The following NKAIN3 variants were observed in gnomAD, a reference collection of about 807,000 sequenced individuals.
The protein encoded by NKAIN3 is sodium/potassium-transporting ATPase subunit beta-1-interacting protein 3.
Under a neutral mutation model 30.2 loss-of-function variants are expected in NKAIN3, and 25 were observed. The ratio of observed to expected loss-of-function variants is 0.83; its 90% CI spans 0.60 to 1.16. The LOEUF (loss-of-function observed/expected upper bound fraction) is 1.16. Ranked by LOEUF, NKAIN3 falls within the 50% of genes most tolerant of loss-of-function variation. The probability of loss-of-function intolerance (pLI) is 0.00; values close to 1 mark genes in which losing one functional copy is unlikely to be tolerated. For missense variants in NKAIN3, 225 were observed against 254.1 expected, an observed-to-expected ratio of 0.89 and a Z score of 0.78; for synonymous variants, 91 against 89.6, an observed-to-expected ratio of 1.02 and a Z score of -0.09.
At chr8:62,302,575 G>A (rs1052440075) in intron 1 of NKAIN3, among the ~76,000 whole-genome samples, 4 of 151,964 alleles carry the variant, frequency 2.6e-5, no homozygotes, top group Admixed American at 2.0e-4. Flanking sequence ...GACCATGAGG[G>A]ATGTCAATAT....
intron 1 of NKAIN3, among the ~76,000 whole-genome samples, chr8:62,283,882 T>G (rs1269094787): frequency 1.3e-5 from 2 of 152,130 alleles, no homozygotes; most frequent in Admixed American, 1.3e-4. Flanking sequence ...TATGAAAGGT[T>G]TTTTATTTCT....
At chr8:62,544,714 T>A (rs993342300) in intron 1 of NKAIN3, among the ~76,000 whole-genome samples, 2 of 117,436 alleles carry the variant, frequency 1.7e-5, no homozygotes, top group Non-Finnish European at 4.1e-5. Context: ...AATATTTGTA[T>A]AAAGTACAAA....
chr8:62,892,281 C>G, intron 4 of NKAIN3, among the ~76,000 whole-genome samples: 1 of 152,278 alleles, frequency 6.6e-6, no homozygotes, highest in South Asian at 2.1e-4. Context: ...ATTTCATAGT[C>G]AGATCCTAAC....
intron 4 of NKAIN3, among the ~76,000 whole-genome samples, chr8:62,827,746 A>T (rs1243252692): frequency 6.6e-6 from 1 of 152,210 alleles, no homozygotes; most frequent in Non-Finnish European, 1.5e-5. Context: ...AGCTCTATGT[A>T]TCCACCATTC....
intron 5 of NKAIN3, among the ~76,000 whole-genome samples, chr8:62,994,619 A>G (rs1489764153): frequency 6.6e-6 from 1 of 152,240 alleles, no homozygotes; most frequent in East Asian, 1.9e-4. Flanking sequence ...GTCAAAGGCT[A>G]CTGAGAGCAG....
At chr8:62,525,664 C>T (rs1808282518) in intron 1 of NKAIN3, among the ~76,000 whole-genome samples, 1 of 152,124 alleles carries the variant, frequency 6.6e-6, no homozygotes, top group African/African-American at 2.4e-5. Context: ...CCCATGGTTG[C>T]ACCCTTGGTT....
chr8:62,934,504 G>C (rs996232828), intron 5 of NKAIN3, among the ~76,000 whole-genome samples: 2 of 152,090 alleles, frequency 1.3e-5, no homozygotes, highest in Non-Finnish European at 2.9e-5. Flanking sequence ...GTGTGTTACA[G>C]ACATCTTTAT....
intron 4 of NKAIN3, among the ~76,000 whole-genome samples, chr8:62,835,086 TA>T (rs1819318036): frequency 6.6e-6 from 1 of 152,134 alleles, no homozygotes. Context: ...AGGACTCCCC[TA>T]TTCAATAAAT....
chr8:62,856,481 G>C (rs1383213938), intron 4 of NKAIN3: 1 of 784,816 alleles, frequency 1.3e-6, no homozygotes, highest in Non-Finnish European at 2.3e-6. Context: ...GGTTTCTTCA[G>C]GTGCTTCAAG....
At chr8:62,910,234 T>A (rs1354786684) in intron 4 of NKAIN3, among the ~76,000 whole-genome samples, 2 of 152,130 alleles carry the variant, frequency 1.3e-5, no homozygotes, top group Non-Finnish European at 2.9e-5. Context: ...TAATCCATGG[T>A]CTTAAAATTA....
chr8:62,892,389 G>T (rs1034569480), intron 4 of NKAIN3, among the ~76,000 whole-genome samples: 1 of 152,118 alleles, frequency 6.6e-6, no homozygotes, highest in African/African-American at 2.4e-5. Context: ...TGGAGAAAAA[G>T]GCAGACATTT....
intron 6 of NKAIN3, among the ~76,000 whole-genome samples, chr8:62,964,593 C>G (rs184980548): frequency 1.3e-5 from 2 of 148,286 alleles, no homozygotes; most frequent in African/African-American, 5.0e-5. Flanking sequence ...CCCACACATG[C>G]GTGCATCTGG....
Position 62,979,676 on chromosome 8 carries a change from T to TA in NKAIN3, c.*14270dup, listed in dbSNP as rs1230651661. 2 of 152,240 alleles carry TA rather than the reference T, an allele frequency of 1.3e-5. No individual in the cohort carries two copies. The highest frequency in any genetic ancestry group is 2.9e-5 in the Non-Finnish European group (2 of 68,056). 9.4% of individuals were successfully genotyped at this position (152,240 alleles called of 1,614,324 possible). On this transcript the variant is annotated 3_prime_UTR_variant, in exon 7 of 7. Coordinates refer to ENST00000623646, the MANE Select transcript of NKAIN3 (RefSeq NM_001304533.3). ...AGATGAGGAGATTGAGGCTGGTAGTTACAGTGGTTTTGCTTCATGTCCCAT... is the reference window on the plus strand; with the variant it reads ...AGATGAGGAGATTGAGGCTGGTAGTTAACAGTGGTTTTGCTTCATGTCCCAT...
At chr8:62,397,174 C>A (rs985376147) in intron 1 of NKAIN3, among the ~76,000 whole-genome samples, 3 of 152,004 alleles carry the variant, frequency 2.0e-5, no homozygotes, top group Admixed American at 1.3e-4. Context: ...GCTCGAAGGA[C>A]CACTGATCCT....
intron 4 of NKAIN3, among the ~76,000 whole-genome samples, chr8:62,902,352 G>A (rs1563619773): frequency 6.6e-6 from 1 of 152,140 alleles, no homozygotes; most frequent in African/African-American, 2.4e-5. Flanking sequence ...GCTCAAGATG[G>A]GAATGTGGGA....
chr8:62,667,796 G>C (rs997645726), intron 3 of NKAIN3, among the ~76,000 whole-genome samples: 1 of 151,904 alleles, frequency 6.6e-6, no homozygotes, highest in African/African-American at 2.4e-5. Flanking sequence ...GGCCTTTACC[G>C]CCTCACATGA....
chr8:62,747,366 C>T (rs115449089), intron 4 of NKAIN3, among the ~76,000 whole-genome samples: 1,544 of 152,290 alleles, frequency 0.01, 28 homozygotes, highest in African/African-American at 0.034. Context: ...ACTTAAGATA[C>T]AGTCCACACT....
At chr8:62,961,461 A>G (rs1253416294) in intron 6 of NKAIN3, among the ~76,000 whole-genome samples, 2 of 152,154 alleles carry the variant, frequency 1.3e-5, no homozygotes, top group Non-Finnish European at 2.9e-5. Context: ...CAAATCTAGC[A>G]TGTGAGAAAT....
chr8:62,546,090 G>C (rs1025977033), intron 1 of NKAIN3, among the ~76,000 whole-genome samples: 2 of 152,102 alleles, frequency 1.3e-5, no homozygotes, highest in Admixed American at 6.6e-5. Context: ...CTTGCTGCTG[G>C]TTGTCTGACA....
Sources: gnomAD v4.1 joint callset for allele counts (sites outside exome capture counted in the v4.1 genomes callset) on GRCh38, gnomAD v4.1.1 for gene constraint, MANE v1.5 for transcripts, NCBI Gene and HGNC (gene_info 2026-07-23, HGNC 2026-07-21) for gene names.